Variants in MED9 observed in about 807,000 individuals in gnomAD.
MED9 encodes mediator complex subunit 9, also known as mediator of RNA polymerase II transcription subunit 9.
Under a neutral mutation model 13.2 loss-of-function variants are expected in MED9, and 8 were observed. The observed-to-expected ratio is 0.61, with a 90% CI of 0.36 to 1.10. The LOEUF is 1.10. Ranked by LOEUF, MED9 falls within the 50% of genes least tolerant of loss-of-function variation. The probability of loss-of-function intolerance (pLI) is 0.02; values close to 1 mark genes in which losing one functional copy is unlikely to be tolerated. For missense variants in MED9, 180 were observed against 193.4 expected (o/e 0.93, Z 0.41); for synonymous variants, 87 against 82.8 (o/e 1.05, Z -0.28).
At chr17:17,490,506 C>T (rs1905209974) in intron 1 of MED9, among the ~76,000 whole-genome samples, 1 of 152,150 alleles carries the variant, frequency 6.6e-6, no homozygotes, top group African/African-American at 2.4e-5. Flanking sequence ...TGAGATTGTT[C>T]TTGCCTCGTT....
At chr17:17,490,776 G>A (rs750912416) in intron 1 of MED9, among the ~76,000 whole-genome samples, 1 of 152,190 alleles carries the variant, frequency 6.6e-6, no homozygotes, top group African/African-American at 2.4e-5. Flanking sequence ...AACTGATAAA[G>A]CCTCCTGATT....
chr17:17,481,302 C>T (rs1905030449), intron 1 of MED9, among the ~76,000 whole-genome samples: 1 of 151,956 alleles, frequency 6.6e-6, no homozygotes, highest in Non-Finnish European at 1.5e-5. Flanking sequence ...TCTTTGTTTA[C>T]TTCTTGCACA....
intron 1 of MED9, among the ~76,000 whole-genome samples, chr17:17,489,061 TCA>T (rs970795750): frequency 2.0e-4 from 31 of 152,206 alleles, no homozygotes; most frequent in Non-Finnish European, 8.8e-5. Flanking sequence ...CTTGAATATT[TCA>T]CAGTCATCCT....
At chr17:17,485,776 A>G (rs1233722567) in intron 1 of MED9, 1 of 161,496 alleles carries the variant, frequency 6.2e-6, no homozygotes, top group Non-Finnish European at 1.3e-5. Flanking sequence ...TCGGGAGTGG[A>G]TGAACACGTT....
At chr17:17,479,523 A>AG in intron 1 of MED9, among the ~76,000 whole-genome samples, 1 of 151,072 alleles carries the variant, frequency 6.6e-6, no homozygotes. Flanking sequence ...GGAGTTTAAA[A>AG]AAAAAAAAAA....
chr17:17,481,085 T>C (rs1905025573), intron 1 of MED9, among the ~76,000 whole-genome samples: 1 of 151,894 alleles, frequency 6.6e-6, no homozygotes, highest in Admixed American at 6.6e-5. Context: ...CAGGAAGAGG[T>C]GGCTGGGGAG....
In MED9 at chr17:17,483,006, C is replaced by G. The variant is rs1429456113; in HGVS notation, c.224+5741C>G. 6.6e-6 allele frequency among the ~76,000 whole-genome samples: 1 copy of G among 152,108 alleles called. No individual in the cohort carries two copies. Among genetic ancestry groups the G allele is most frequent in the Non-Finnish European group, 1.5e-5 (1 of 68,026 alleles). The stretch of plus-strand genomic sequence containing the variant: ...TATCTTTTAAGGTTAATTTTTCACC[C>G]TTCCTCTTTCTTGTCAGTATTTCCC... On this transcript the variant is annotated intron_variant, in intron 1 of 1. Transcript: ENST00000268711. The surrounding 1 kb of genome is among the most constrained non-coding windows in gnomAD (Gnocchi z 4.2).
intron 1 of MED9, among the ~76,000 whole-genome samples, chr17:17,490,850 C>T (rs945123284): frequency 9.9e-5 from 15 of 152,244 alleles, no homozygotes; most frequent in Admixed American, 2.0e-4. Flanking sequence ...TGGCATTTGT[C>T]ACCTGATATT....
At chr17:17,482,226 G>T (rs1008044641) in intron 1 of MED9, among the ~76,000 whole-genome samples, 2 of 152,178 alleles carry the variant, frequency 1.3e-5, no homozygotes, top group African/African-American at 4.8e-5. Context: ...GGTAGTCTCT[G>T]TGGGGGTAAA....
At position 17,491,385 on chromosome 17, in the gene MED9, C is replaced by T. The variant is rs1351133254; in HGVS notation, c.331C>T (p.Pro111Ser). The T allele has an allele frequency of 1.2e-6, 2 of 1,614,026 alleles. No individual in the cohort carries two copies. Among genetic ancestry groups the T allele is most frequent in the Non-Finnish European group, 1.7e-6 (2 of 1,180,030 alleles). Residue 111 changes from proline (P) to serine (S), a missense_variant, in exon 2 of 2, where the codon CCC (proline) becomes TCC (serine). Transcript: ENST00000268711. ...CACCATGCCCGGCATCCACCTGAGC[C>T]CCGAACAGCAGCAGCAGCAGCTGCA... ...ISTMPGIHLS[P>S]EQQQQQLQSL...
At chr17:17,486,567 G>C (rs372313042) in intron 1 of MED9, 11 of 155,710 alleles carry the variant, frequency 7.1e-5, no homozygotes, top group African/African-American at 2.7e-4. Context: ...TCGATTTCTC[G>C]CCAGGCCTTA....
At chr17:17,479,433 T>G (rs540378228) in intron 1 of MED9, among the ~76,000 whole-genome samples, 2 of 152,058 alleles carry the variant, frequency 1.3e-5, no homozygotes, top group South Asian at 4.2e-4. Context: ...TGTTGGGAGA[T>G]GTACTCAGGA....
chr17:17,484,197 C>T (rs915512588), intron 1 of MED9, among the ~76,000 whole-genome samples: 1 of 152,190 alleles, frequency 6.6e-6, no homozygotes, highest in African/African-American at 2.4e-5. Context: ...TGCTGCCTTG[C>T]GTGATGGTTT....
chr17:17,489,611 A>G (rs1905195267), intron 1 of MED9, among the ~76,000 whole-genome samples: 1 of 152,214 alleles, frequency 6.6e-6, no homozygotes, highest in Non-Finnish European at 1.5e-5. Context: ...ACATTTGTGG[A>G]TCAGAGCTGA....
intron 1 of MED9, among the ~76,000 whole-genome samples, chr17:17,488,672 A>G (rs1435369863): frequency 1.3e-5 from 2 of 152,188 alleles, no homozygotes; most frequent in Non-Finnish European, 2.9e-5. Context: ...CATCTCTACT[A>G]AAAATACAAA....
chr17:17,487,524 C>T (rs919365188), intron 1 of MED9: 3 of 158,340 alleles, frequency 1.9e-5, no homozygotes, highest in East Asian at 1.9e-4. Flanking sequence ...ACGCACACCG[C>T]GAAGGTCTGC....
chr17:17,480,995 G>A (rs181275462), intron 1 of MED9, among the ~76,000 whole-genome samples: 1 of 152,228 alleles, frequency 6.6e-6, no homozygotes, highest in African/African-American at 2.4e-5. Context: ...GGAAAAACAT[G>A]TAAGGACACG....
At chr17:17,489,557 C>T (rs898998407) in intron 1 of MED9, among the ~76,000 whole-genome samples, 7 of 152,170 alleles carry the variant, frequency 4.6e-5, no homozygotes, top group African/African-American at 1.4e-4. Context: ...AACACGCATG[C>T]CATCCGAGTA....
At chr17:17,490,435 C>T (rs1253836314) in intron 1 of MED9, among the ~76,000 whole-genome samples, 1 of 152,346 alleles carries the variant, frequency 6.6e-6, no homozygotes, top group East Asian at 1.9e-4. Flanking sequence ...GAGTGAGACC[C>T]TGTCTCAAAC....
Sources: allele counts gnomAD v4.1 joint callset (sites outside exome capture counted in the v4.1 genomes callset), GRCh38; gene constraint gnomAD v4.1.1; non-coding constraint Gnocchi (gnomAD v3.1); transcripts MANE v1.5; gene names NCBI Gene and HGNC (gene_info 2026-07-23, HGNC 2026-07-21).